The following PREX1 variants were observed in gnomAD, a reference collection of about 807,000 sequenced individuals.
PREX1 encodes the protein phosphatidylinositol 3,4,5-trisphosphate-dependent Rac exchanger 1 protein.
Under a neutral mutation model 198.3 loss-of-function variants are expected in PREX1, and 41 were observed. The ratio of observed to expected loss-of-function variants is 0.21; its 90% CI spans 0.16 to 0.27. The LOEUF (loss-of-function observed/expected upper bound fraction) is 0.27. Among genes scored for constraint, PREX1 ranks in the 10% least tolerant of loss-of-function variants. The probability of loss-of-function intolerance (pLI) is 1.00; values close to 1 mark genes in which losing one functional copy is unlikely to be tolerated. For synonymous variants in PREX1, 843 were observed against 887.2 expected (o/e 0.95, Z 0.89); for missense variants, 1,620 against 2,200.7 (o/e 0.74, Z 5.28).
rs139436261 is a variant in PREX1 at position 48,696,042 on chromosome 20, T to C, written c.918-3252A>G. Among the ~76,000 whole-genome samples the C allele has an allele frequency of 2.2e-3, 328 of 152,366 alleles. 3 individuals are homozygous for C. The highest frequency in any genetic ancestry group is 7.6e-3 in the African/African-American group (315 of 41,590). On this transcript the variant is annotated intron_variant, in intron 7 of 39. Transcript: ENST00000371941. ...CATTATACAAACTGTAAAGACCTTT[T>C]CACAGTCTGTGGCTTGTCTTTTCAC...
chr20:48,760,824 A>G (rs1240285548), intron 1 of PREX1, among the ~76,000 whole-genome samples: 1 of 152,130 alleles, frequency 6.6e-6, no homozygotes, highest in African/African-American at 2.4e-5. Context: ...GGACTTATGC[A>G]TTCTTACATT....
intron 14 of PREX1, among the ~76,000 whole-genome samples, chr20:48,669,784 T>C (rs56191280): frequency 0.18 from 26,671 of 152,176 alleles, 2,459 homozygotes; most frequent in Middle Eastern, 0.3. Context: ...TGATAAATGT[T>C]AGCTGTTCCT....
At chr20:48,818,580 C>A (rs1885287) in intron 1 of PREX1, among the ~76,000 whole-genome samples, 1 of 152,092 alleles carries the variant, frequency 6.6e-6, no homozygotes, top group Non-Finnish European at 1.5e-5. Context: ...CCCGGCTGCG[C>A]GTCCTCAGGT....
At chr20:48,642,036 A>T in intron 29 of PREX1, 132 bp downstream of exon 29, 6 of 903,572 alleles carry the variant, frequency 6.6e-6, no homozygotes, top group Non-Finnish European at 1.0e-5. Flanking sequence ...CCATGGGCTA[A>T]AATCGCTGTC....
Position 48,661,476 on chromosome 20 carries a change from C to CAT in PREX1, c.1739-1417_1739-1416dup, listed in dbSNP as rs1166347174. On this transcript the variant is annotated intron_variant, in intron 15 of 39. Transcript: ENST00000371941. ...ATATATATATATATATATACACACA[C>CAT]ATATATATAATATAATATATAGTAT... Among the ~76,000 whole-genome samples, 179 of 91,076 alleles carry CAT rather than the reference C, an allele frequency of 2.0e-3. 3 individuals carry two copies. Among genetic ancestry groups the CAT allele is most frequent in the African/African-American group, 8.7e-3 (166 of 18,996 alleles). 59.7% of individuals were successfully genotyped at this position (91,076 alleles called of 152,430 possible). A position where few individuals can be genotyped will look rare whatever the true frequency, so the allele number is the denominator to read the frequency against.
intron 14 of PREX1, among the ~76,000 whole-genome samples, chr20:48,671,894 T>C (rs953294650): frequency 6.6e-6 from 1 of 152,262 alleles, no homozygotes; most frequent in African/African-American, 2.4e-5. Context: ...GATAGGCTGC[T>C]GAAGTGGATG....
intron 15 of PREX1, among the ~76,000 whole-genome samples, chr20:48,663,615 A>T (rs2089612897): frequency 6.6e-6 from 1 of 152,246 alleles, no homozygotes; most frequent in African/African-American, 2.4e-5. Context: ...TACTCTCTAT[A>T]GCTGCTTTTG....
intron 6 of PREX1, among the ~76,000 whole-genome samples, chr20:48,704,229 C>T (rs1244824016): frequency 6.6e-6 from 1 of 152,176 alleles, no homozygotes; most frequent in Non-Finnish European, 1.5e-5. Flanking sequence ...CCTCCACTCC[C>T]CCGACCTGCT....
At chr20:48,810,397 A>G (rs2123041144) in intron 1 of PREX1, among the ~76,000 whole-genome samples, 1 of 152,000 alleles carries the variant, frequency 6.6e-6, no homozygotes. Context: ...AGCCTGGGCA[A>G]CATAGTGAGA....
chr20:48,855,193 A>G, the PREX1 span, among the ~76,000 whole-genome samples: 5 of 152,188 alleles, frequency 3.3e-5, no homozygotes, highest in Non-Finnish European at 7.4e-5. Context: ...TGTCCATATC[A>G]TTCATCAGCA....
At chr20:48,707,975 G>A (rs575475371) in intron 6 of PREX1, among the ~76,000 whole-genome samples, 3 of 152,278 alleles carry the variant, frequency 2.0e-5, no homozygotes, top group African/African-American at 4.8e-5. Flanking sequence ...AAGAGAAGGG[G>A]TGGGGAGATA....
At chr20:48,699,137 A>T (rs2089861988) in intron 7 of PREX1, among the ~76,000 whole-genome samples, 1 of 152,162 alleles carries the variant, frequency 6.6e-6, no homozygotes, top group Non-Finnish European at 1.5e-5. Flanking sequence ...AAGGTTTCTC[A>T]CCACACCTTA....
the PREX1 span, among the ~76,000 whole-genome samples, chr20:48,857,650 G>A: frequency 2.6e-5 from 4 of 152,210 alleles, no homozygotes; most frequent in African/African-American, 9.7e-5. Flanking sequence ...GTGCATGCCT[G>A]TGGTCCCAAT....
At chr20:48,807,209 C>G (rs917271833) in intron 1 of PREX1, among the ~76,000 whole-genome samples, 2 of 152,216 alleles carry the variant, frequency 1.3e-5, no homozygotes, top group Non-Finnish European at 2.9e-5. Flanking sequence ...CACTCCCCCC[C>G]ATTCTCAGCC....
At chr20:48,803,640 A>G (rs1349483933) in intron 1 of PREX1, among the ~76,000 whole-genome samples, 1 of 152,128 alleles carries the variant, frequency 6.6e-6, no homozygotes, top group African/African-American at 2.4e-5. Flanking sequence ...CCCCTTCTGC[A>G]GCTTCCCGAG....
chr20:48,649,485 G>A lies in PREX1; in HGVS notation c.3120C>T (p.Pro1040=), dbSNP rs1370973745. The change falls in exon 25 of 40, where the codon CCC becomes CCT. Residue 1040 remains proline (P), a synonymous_variant. Coordinates refer to ENST00000371941, the MANE Select transcript of PREX1 (RefSeq NM_020820.4). ...WKCLPAAEGD[P]QGQGLHDGSF... ...TGCCATCATGGAGACCCTGGCCTTG[G>A]GGATCACCCTCTGCAGCAGGCAAGC... The A allele has an allele frequency of 2.5e-6, 4 of 1,614,080 alleles. No homozygotes were observed. The Admixed American group carries it at 5.0e-5, about 20-fold the overall frequency.
intron 1 of PREX1, among the ~76,000 whole-genome samples, chr20:48,779,061 C>T (rs1437780654): frequency 6.6e-6 from 1 of 151,970 alleles, no homozygotes; most frequent in Admixed American, 6.6e-5. Flanking sequence ...GTCAAGAGAA[C>T]AAAAGACAAG....
chr20:48,851,773 C>T, the PREX1 span, among the ~76,000 whole-genome samples: 2 of 152,036 alleles, frequency 1.3e-5, no homozygotes, highest in Non-Finnish European at 2.9e-5. Flanking sequence ...ATTGCCTGAT[C>T]GTCCGTAAAT....
At chr20:48,726,413 T>G (rs755406824) in intron 4 of PREX1, 22 bp from the exon 5 acceptor site, 2 of 1,579,666 alleles carry the variant, frequency 1.3e-6, no homozygotes, top group Non-Finnish European at 1.7e-6. Context: ...CAGGAGACCT[T>G]CATGAAACCC....
Sources: allele counts gnomAD v4.1 joint callset (sites outside exome capture counted in the v4.1 genomes callset), GRCh38; gene constraint gnomAD v4.1.1; transcripts MANE v1.5; gene names NCBI Gene and HGNC (gene_info 2026-07-23, HGNC 2026-07-21).